The following TMPRSS15 variants were observed in gnomAD, a reference collection of about 807,000 sequenced individuals.
TMPRSS15 encodes enteropeptidase.
Under a neutral mutation model 125.3 loss-of-function variants are expected in TMPRSS15, and 128 were observed. The ratio of observed to expected loss-of-function variants is 1.02; its 90% CI spans 0.89 to 1.18. The LOEUF (loss-of-function observed/expected upper bound fraction) is 1.18. TMPRSS15 is among the 50% of genes most tolerant of loss of function. The pLI is 0.00. For missense variants in TMPRSS15, 1,283 were observed against 1,212.7 expected, an observed-to-expected ratio of 1.06 and a Z score of -0.86; for synonymous variants, 446 against 423.2, an observed-to-expected ratio of 1.05 and a Z score of -0.66.
chr21:18,451,211 T>C (rs575903636), intron 1 of TMPRSS15, among the ~76,000 whole-genome samples: 20 of 152,202 alleles, frequency 1.3e-4, no homozygotes, highest in Non-Finnish European at 2.9e-4. Context: ...AAGCCCATCA[T>C]AAACATGAAA....
intron 16 of TMPRSS15, among the ~76,000 whole-genome samples, chr21:18,320,585 T>C (rs1423954492): frequency 2.6e-5 from 4 of 152,334 alleles, no homozygotes; most frequent in Middle Eastern, 6.8e-3. Context: ...TTTTGTGCTC[T>C]AGCTGAAGCT....
chr21:18,438,560 T>C (rs954269698), intron 1 of TMPRSS15, among the ~76,000 whole-genome samples: 2 of 152,208 alleles, frequency 1.3e-5, no homozygotes, highest in Non-Finnish European at 2.9e-5. Context: ...GACATCTTTT[T>C]TAAAAATGTT....
In TMPRSS15 at chr21:18,311,788, C is replaced by T. The variant is rs542339564; in HGVS notation, c.2165+1157G>A. ...TATATCAAAGAGGATATCTGCCCTC[C>T]CATGTTTATTGCAGCACTATTCACA... On this transcript the variant is annotated intron_variant, in intron 18 of 24. Coordinates refer to ENST00000284885, the MANE Select transcript of TMPRSS15 (RefSeq NM_002772.3). 7.9e-4 allele frequency among the ~76,000 whole-genome samples: 121 copies of T among 152,216 alleles called. No individual in the cohort carries two copies. In the Middle Eastern group the frequency reaches 0.017, roughly 21 times the overall value.
At chr21:18,396,935 C>A (rs1007643054) in intron 3 of TMPRSS15, among the ~76,000 whole-genome samples, 4 of 151,792 alleles carry the variant, frequency 2.6e-5, no homozygotes, top group Non-Finnish European at 5.9e-5. Flanking sequence ...CTCTGTTTTA[C>A]CTAACCTTCT....
At chr21:18,467,032 G>A (rs1210494670) in intron 1 of TMPRSS15, among the ~76,000 whole-genome samples, 1 of 152,090 alleles carries the variant, frequency 6.6e-6, no homozygotes, top group African/African-American at 2.4e-5. Flanking sequence ...ATGATAGACT[G>A]GATAAAGAAA....
At chr21:18,410,769 G>A (rs1425780378) in intron 1 of TMPRSS15, among the ~76,000 whole-genome samples, 1 of 152,064 alleles carries the variant, frequency 6.6e-6, no homozygotes, top group Non-Finnish European at 1.5e-5. Context: ...GGAGAAGGAG[G>A]TTTTAAGCTT....
chr21:18,353,609 A>C (rs2075594480), intron 9 of TMPRSS15, 114 bp downstream of exon 9: 1 of 891,478 alleles, frequency 1.1e-6, no homozygotes, highest in South Asian at 1.6e-5. Context: ...TGCACATACA[A>C]GATACTCATT....
intron 1 of TMPRSS15, among the ~76,000 whole-genome samples, chr21:18,471,692 G>A (rs1041460373): frequency 6.6e-6 from 1 of 152,034 alleles, no homozygotes; most frequent in Admixed American, 6.6e-5. Flanking sequence ...CCACTCAAAT[G>A]GCAAAATCAC....
At chr21:18,465,457 G>A (rs1380417857) in intron 1 of TMPRSS15, among the ~76,000 whole-genome samples, 1 of 152,168 alleles carries the variant, frequency 6.6e-6, no homozygotes, top group Non-Finnish European at 1.5e-5. Flanking sequence ...AATAGGAAGA[G>A]AGGAAGTCAA....
intron 1 of TMPRSS15, among the ~76,000 whole-genome samples, chr21:18,403,206 T>A (rs2123146784): frequency 6.6e-6 from 1 of 152,314 alleles, no homozygotes. Flanking sequence ...ATTATTTATT[T>A]TAAAAACTAC....
At chr21:18,399,010 A>T (rs902644892) in intron 1 of TMPRSS15, among the ~76,000 whole-genome samples, 2 of 152,184 alleles carry the variant, frequency 1.3e-5, no homozygotes, top group African/African-American at 4.8e-5. Flanking sequence ...CATGGATAAT[A>T]AAATGTGTCA....
chr21:18,364,186 T>C (rs537206213), intron 7 of TMPRSS15, among the ~76,000 whole-genome samples: 1 of 152,086 alleles, frequency 6.6e-6, no homozygotes, highest in Non-Finnish European at 1.5e-5. Flanking sequence ...ATCATCAATA[T>C]CAATCATCAT....
chr21:18,396,792 A>AAAATCTG (rs1408156983), intron 3 of TMPRSS15, among the ~76,000 whole-genome samples: 7 of 112,788 alleles, frequency 6.2e-5, no homozygotes, highest in Non-Finnish European at 1.1e-4. Flanking sequence ...AAAAAAAAAA[A>AAAATCTG]TCTGTCTGTC....
At chr21:18,273,780 G>A (rs977136265) in intron 24 of TMPRSS15, among the ~76,000 whole-genome samples, 3 of 152,008 alleles carry the variant, frequency 2.0e-5, no homozygotes, top group African/African-American at 4.8e-5. Flanking sequence ...TATAAGACCC[G>A]AAGATAAATT....
chr21:18,430,278 A>G (rs2076213752), intron 1 of TMPRSS15, among the ~76,000 whole-genome samples: 1 of 152,130 alleles, frequency 6.6e-6, no homozygotes, highest in Non-Finnish European at 1.5e-5. Context: ...TCTGTTTTTG[A>G]TAGTTTAAAT....
At chr21:18,315,312 T>C (rs2075151481) in intron 16 of TMPRSS15, 56 bp from the exon 17 acceptor site, 1 of 1,447,808 alleles carries the variant, frequency 6.9e-7, no homozygotes. Context: ...TGGATGATTC[T>C]GGAGTACAAA....
intron 3 of TMPRSS15, among the ~76,000 whole-genome samples, chr21:18,395,082 T>C (rs2123110157): frequency 6.6e-6 from 1 of 151,626 alleles, no homozygotes; most frequent in Non-Finnish European, 1.5e-5. Flanking sequence ...AAAATCAGAG[T>C]GGAGAACAAG....
intron 17 of TMPRSS15, among the ~76,000 whole-genome samples, chr21:18,313,349 C>T (rs143954180): frequency 6.0e-5 from 9 of 149,352 alleles, no homozygotes; most frequent in South Asian, 2.1e-4. Flanking sequence ...CTCTCTCTCT[C>T]TATATATATA....
At chr21:18,468,241 T>G (rs1458118486) in intron 1 of TMPRSS15, among the ~76,000 whole-genome samples, 1 of 152,142 alleles carries the variant, frequency 6.6e-6, no homozygotes, top group African/African-American at 2.4e-5. Context: ...AGGCTCCTTT[T>G]GTGATATCAG....
Sources: allele counts gnomAD v4.1 joint callset (sites outside exome capture counted in the v4.1 genomes callset), GRCh38; gene constraint gnomAD v4.1.1; transcripts MANE v1.5; gene names NCBI Gene and HGNC (gene_info 2026-07-23, HGNC 2026-07-21).